GNB5: variants seen among roughly 807,000 people sequenced by gnomAD.
GNB5 encodes G protein subunit beta 5.
Under a neutral mutation model 55.3 loss-of-function variants are expected in GNB5, and 37 were observed. The ratio of observed to expected loss-of-function variants is 0.67; its 90% confidence interval spans 0.51 to 0.88. The LOEUF (loss-of-function observed/expected upper bound fraction) is 0.88. Among genes scored for constraint, GNB5 ranks in the 40% least tolerant of loss-of-function variants. The pLI, the probability that GNB5 is intolerant of heterozygous loss-of-function variation, is 0.00. For synonymous variants in GNB5, 219 were observed against 198.5 expected, an observed-to-expected ratio of 1.10 and a Z score of -0.87; for missense variants, 476 against 515.3, an observed-to-expected ratio of 0.92 and a Z score of 0.74.
intron 3 of GNB5, among the ~76,000 whole-genome samples, chr15:52,157,573 G>A (rs1426880693): frequency 6.6e-6 from 1 of 152,044 alleles, no homozygotes; most frequent in East Asian, 1.9e-4. Context: ...GGCTCTATCG[G>A]CCCAGAGTTG....
At chr15:52,160,552 G>C (rs2034311127) in intron 3 of GNB5, among the ~76,000 whole-genome samples, 1 of 152,212 alleles carries the variant, frequency 6.6e-6, no homozygotes, top group Admixed American at 6.5e-5. Context: ...TGAATGGAGA[G>C]ATGGTTTTGT....
At chr15:52,138,058 T>C (rs984218438) in intron 7 of GNB5, 5 of 781,652 alleles carry the variant, frequency 6.4e-6, no homozygotes, top group African/African-American at 3.6e-5. Flanking sequence ...TCCTCACCCT[T>C]TGCCCCCTTT....
intron 4 of GNB5, among the ~76,000 whole-genome samples, chr15:52,151,436 G>C (rs1056363698): frequency 6.6e-6 from 1 of 152,208 alleles, no homozygotes; most frequent in East Asian, 1.9e-4. Context: ...ATGTGCAGGG[G>C]CCTACGTACC....
At chr15:52,148,758 C>T (rs2034031087) in intron 5 of GNB5, among the ~76,000 whole-genome samples, 1 of 152,166 alleles carries the variant, frequency 6.6e-6, no homozygotes, top group East Asian at 1.9e-4. Context: ...ATACTATTGT[C>T]GATAGCAGCC....
chr15:52,131,105 C>G (rs567590873), intron 9 of GNB5, among the ~76,000 whole-genome samples: 1 of 152,184 alleles, frequency 6.6e-6, no homozygotes, highest in African/African-American at 2.4e-5. Flanking sequence ...GGATTACAGG[C>G]GTGAGCCACG....
chr15:52,146,232 C>T (rs1051873026), intron 6 of GNB5, among the ~76,000 whole-genome samples: 2 of 152,170 alleles, frequency 1.3e-5, no homozygotes, highest in Non-Finnish European at 2.9e-5. Context: ...GCTGGGATTA[C>T]AGGCGTGAGC....
At chr15:52,174,079 G>T (rs889394225) in intron 3 of GNB5, among the ~76,000 whole-genome samples, 18 of 152,198 alleles carry the variant, frequency 1.2e-4, no homozygotes, top group African/African-American at 4.3e-4. Flanking sequence ...AGAGGGAGCA[G>T]GTGGGTTAGA....
At position 52,122,749 on chromosome 15, in the gene GNB5, GA is replaced by G; in HGVS notation, c.*7del. The G allele has an allele frequency of 6.3e-7, 1 of 1,596,864 alleles. No homozygotes were observed. The highest frequency in any genetic ancestry group is 8.6e-7 in the Non-Finnish European group (1 of 1,164,216). ...TCAGGTATACATGAGTGCACTGTCAGAAGATGATTAGGCCCAGACCTGTGAA... is the reference window on the plus strand; with the variant it reads ...TCAGGTATACATGAGTGCACTGTCAGAGATGATTAGGCCCAGACCTGTGAA... On this transcript the variant is annotated 3_prime_UTR_variant, in exon 13 of 13. Transcript: ENST00000261837.
chr15:52,173,430 C>T (rs372148107), intron 3 of GNB5, among the ~76,000 whole-genome samples: 3 of 152,194 alleles, frequency 2.0e-5, no homozygotes, highest in South Asian at 4.2e-4. Context: ...GAATATGAAC[C>T]GAGACAGAAT....
intron 3 of GNB5, among the ~76,000 whole-genome samples, chr15:52,175,720 CAG>C (rs1414522467): frequency 1.3e-5 from 2 of 148,392 alleles, no homozygotes; most frequent in African/African-American, 5.0e-5. Flanking sequence ...GCCTGGGCGA[CAG>C]AGTGAGACTC....
In GNB5 at chr15:52,145,811, AT is replaced by A. The variant is rs554795794; in HGVS notation, c.494+1647del. On this transcript the variant is annotated intron_variant, in intron 6 of 12. Coordinates refer to ENST00000261837, the MANE Select transcript of GNB5 (RefSeq NM_016194.4). Reference sequence around the variant, plus strand: ...GACTGGCTGGAGAGGGCTCCAAAGCATTTGCCTGGGGACTCGGGCTTTTCCT... The same window carrying A: ...GACTGGCTGGAGAGGGCTCCAAAGCATTGCCTGGGGACTCGGGCTTTTCCT... Among the ~76,000 whole-genome samples the A allele has an allele frequency of 6.6e-5, 10 of 152,228 alleles. No individual in the cohort carries two copies. In the South Asian group the frequency reaches 2.1e-3, roughly 32 times the overall value.
At chr15:52,158,712 G>A (rs1347087624) in intron 3 of GNB5, among the ~76,000 whole-genome samples, 1 of 151,156 alleles carries the variant, frequency 6.6e-6, no homozygotes, top group East Asian at 1.9e-4. Context: ...TGTTCCCTGA[G>A]CAACTTGGAT....
At chr15:52,147,595 CTT>C in intron 5 of GNB5, 60 bp from the exon 6 acceptor site, 4 of 785,968 alleles carry the variant, frequency 5.1e-6, no homozygotes, top group East Asian at 3.4e-5. Flanking sequence ...TTTTTTTTTT[CTT>C]TTTTTTTGAG....
chr15:52,146,265 G>A (rs943457669), intron 6 of GNB5, among the ~76,000 whole-genome samples: 1 of 152,032 alleles, frequency 6.6e-6, no homozygotes, highest in Non-Finnish European at 1.5e-5. Flanking sequence ...GGCCTAATAT[G>A]CCTCTTTTTA....
rs2034731785 is a variant in GNB5, at chr15:52,179,759, C to G, written c.238+9G>C. On this transcript the variant is annotated intron_variant, in intron 3 of 12. Coordinates refer to ENST00000261837, the MANE Select transcript of GNB5 (RefSeq NM_016194.4). ...GGCTTGCCCCGCCCGCCTCCCGGCC[C>G]GCACTCACGCTCCACATCGTGCAGC... 6.8e-7 allele frequency: 1 copy of G among 1,470,158 alleles called. No individual in the cohort carries two copies. The highest frequency in any genetic ancestry group is 2.3e-5 in the Admixed American group (1 of 43,930). The allele number at this position is 1,470,158 out of a possible 1,614,324, so 91.1% of individuals were successfully genotyped here.
chr15:52,182,443 G>T (rs754397805), intron 2 of GNB5, among the ~76,000 whole-genome samples: 1 of 152,172 alleles, frequency 6.6e-6, no homozygotes. Flanking sequence ...TCTTCTGGGG[G>T]TTCTTTGTGT....
intron 7 of GNB5, among the ~76,000 whole-genome samples, chr15:52,140,931 A>T (rs2033838368): frequency 6.6e-6 from 1 of 151,248 alleles, no homozygotes; most frequent in Non-Finnish European, 1.5e-5. Flanking sequence ...ATGCAGTTTT[A>T]TCTCAACACT....
Position 52,147,509 on chromosome 15 carries a change from C to T in GNB5, c.444G>A (p.Thr148=), listed in dbSNP as rs147993382. 78 of 1,603,462 alleles carry T rather than the reference C, an allele frequency of 4.9e-5. No individual in the cohort carries two copies. In the African/African-American group the frequency reaches 7.4e-4, roughly 15 times the overall value. Residue 148 remains threonine (T), a synonymous_variant, in exon 6 of 13, where the codon ACG becomes ACA. Transcript: ENST00000261837. ...GGGCATAAGCACATGCCATCACCCA[C>T]GTGCAGGGCATGGTGACCGCGTGCT... ...NKEHAVTMPC[T]WVMACAYAPS...
chr15:52,144,858 C>A (rs1182574838), intron 6 of GNB5, among the ~76,000 whole-genome samples: 1 of 152,160 alleles, frequency 6.6e-6, no homozygotes, highest in Non-Finnish European at 1.5e-5. Flanking sequence ...GGAAACAACG[C>A]CGTCAGTGAC....
Sources: allele counts gnomAD v4.1 joint callset (sites outside exome capture counted in the v4.1 genomes callset), GRCh38; gene constraint gnomAD v4.1.1; transcripts MANE v1.5; gene names NCBI Gene and HGNC (gene_info 2026-07-23, HGNC 2026-07-21).